The following MUC5AC variants were observed in gnomAD, a reference collection of about 807,000 sequenced individuals.
The protein encoded by MUC5AC is mucin-5AC.
MUC5AC carries 158 observed loss-of-function variants against 169.7 expected under a neutral mutation model. That is an observed-to-expected ratio of 0.93 (90% CI 0.82 to 1.06). MUC5AC has a LOEUF of 1.06. MUC5AC is among the 50% of genes least tolerant of loss of function. MUC5AC has a pLI of 0.00. For missense variants in MUC5AC, 4,359 were observed against 3,089.9 expected (o/e 1.41, Z -9.74); for synonymous variants, 1,975 against 1,237.0 (o/e 1.60, Z -12.52).
At chr11:1,160,284 G>A (rs1860099414) in intron 1 of MUC5AC, among the ~76,000 whole-genome samples, 1 of 152,128 alleles carries the variant, frequency 6.6e-6, no homozygotes, top group Admixed American at 6.5e-5. Flanking sequence ...AAGCGTGGCA[G>A]CGTGGGGGCC....
chr11:1,179,707 G>A (rs953977859), intron 26 of MUC5AC, among the ~76,000 whole-genome samples: 4 of 151,304 alleles, frequency 2.6e-5, no homozygotes, highest in African/African-American at 9.7e-5. Context: ...GGAGGAGGGC[G>A]TGGCTGACGG....
Position 1,200,427 on chromosome 11 carries a change from C to T in MUC5AC, c.16701-11C>T. The T allele has an allele frequency of 1.5e-6, 1 of 685,016 alleles. No individual in the cohort carries two copies. The highest frequency in any genetic ancestry group is 1.5e-5 in the South Asian group (1 of 65,746). 42.4% of individuals were successfully genotyped at this position (685,016 alleles called of 1,614,324 possible). Reference sequence around the variant, plus strand: ...GCGCAGCAGCTGGTGCTGAGCAGCCCCTGCCCACAGGTACTCGCTCGAGGG... The same window carrying T: ...GCGCAGCAGCTGGTGCTGAGCAGCCTCTGCCCACAGGTACTCGCTCGAGGG... On this transcript the variant is annotated splice_polypyrimidine_tract_variant and intron_variant, in intron 48 of 48. Transcript: ENST00000621226.
At position 1,185,304 on chromosome 11, in the gene MUC5AC, A is replaced by T; in HGVS notation, c.7159A>T (p.Ser2387Cys). 1 of 673,404 alleles carries T rather than the reference A, an allele frequency of 1.5e-6. No individual in the cohort carries two copies. Among genetic ancestry groups the T allele is most frequent in the Non-Finnish European group, 2.7e-6 (1 of 369,952 alleles). 41.7% of individuals were successfully genotyped at this position (673,404 alleles called of 1,614,324 possible). The change falls in exon 31 of 49, where the codon AGC becomes TGC. Residue 2387 changes from serine to cysteine, a missense_variant. Transcript: ENST00000621226. ...CAGCACAACCTCTGCCACTACCACC[A>T]GCAGAATCTCTGGTCCTGAAACTAC... ...TSSTTSATTT[S>C]RISGPETTPS...
chr11:1,167,998 C>A lies in MUC5AC; in HGVS notation c.1497+11C>A. On this transcript the variant is annotated intron_variant, in intron 12 of 48. Coordinates refer to ENST00000621226, the MANE Select transcript of MUC5AC (RefSeq NM_001304359.2). ...GATGGGGCGCAGACGGTGAGTGGAG[C>A]CTGGCAGGGCAAACCCCGGGAAGAG... 1.3e-6 allele frequency: 2 copies of A among 1,547,388 alleles called. No individual in the cohort carries two copies. Among genetic ancestry groups the A allele is most frequent in the South Asian group, 1.2e-5 (1 of 83,988 alleles).
Position 1,197,476 on chromosome 11 carries a change from C to A in MUC5AC, c.15870C>A (p.His5290Gln). ...AGTCCCCTTCCTTGCAGGTGGGCCA[C>A]ACCGTCGGCATGGACTGCCAGGAGT... The part of the protein sequence containing the change: ...GPHGEPVKVG[H>Q]TVGMDCQECT... The change falls in exon 41 of 49, where the codon CAC becomes CAA. Residue 5290 changes from histidine (H) to glutamine (Q), a missense_variant. Transcript: ENST00000621226. 1 of 712,456 alleles carries A rather than the reference C, an allele frequency of 1.4e-6. No homozygotes were observed. The highest frequency in any genetic ancestry group is 2.6e-6 in the Non-Finnish European group (1 of 392,008). 44.1% of individuals were successfully genotyped at this position (712,456 alleles called of 1,614,324 possible).
chr11:1,191,714 T>A lies in MUC5AC; in HGVS notation c.13569T>A (p.Ser4523=), dbSNP rs1172904987. The stretch of plus-strand genomic sequence containing the variant: ...CTGTTCCCACCACCAGCACAACCTC[T>A]GCTCCTACAACCAGCACAACCTCTG... ...PSPVPTTSTT[S]APTTSTTSAS... The change falls in exon 31 of 49, where the codon TCT becomes TCA. Residue 4523 remains serine, a synonymous_variant. Coordinates refer to ENST00000621226, the MANE Select transcript of MUC5AC (RefSeq NM_001304359.2). The A allele has an allele frequency of 1.4e-6, 1 of 711,568 alleles. No homozygotes were observed. Among genetic ancestry groups the A allele is most frequent in the African/African-American group, 1.8e-5 (1 of 56,910 alleles). The allele number at this position is 711,568 out of a possible 1,614,324, so 44.1% of individuals were successfully genotyped here.
Position 1,187,542 on chromosome 11 carries a change from A to G in MUC5AC, c.9397A>G (p.Thr3133Ala). The change falls in exon 31 of 49, where the codon ACC (threonine) becomes GCC (alanine). Residue 3133 changes from threonine (T) to alanine (A), a missense_variant. By Grantham distance (58) the Thr-to-Ala change is moderately conservative (BLOSUM62 0). Transcript: ENST00000621226. Reference protein sequence around the residue: ...TPSPIPTTSTTSPPTTSTTSA... With the variant: ...TPSPIPTTSTASPPTTSTTSA... ...CAGCCCTATTCCTACCACCAGCACA[A>G]CCTCTCCTCCTACAACCAGCACAAC... The G allele has an allele frequency of 1.3e-6, 1 of 750,712 alleles. No individual in the cohort carries two copies. The highest frequency in any genetic ancestry group is 2.4e-6 in the Non-Finnish European group (1 of 411,306). 46.5% of individuals were successfully genotyped at this position (750,712 alleles called of 1,614,324 possible).
At position 1,167,902 on chromosome 11, in the gene MUC5AC, T is replaced by C. The variant is rs1490982629; in HGVS notation, c.1412T>C (p.Val471Ala). 1 of 1,550,482 alleles carries C rather than the reference T, an allele frequency of 6.4e-7. No individual in the cohort carries two copies. The highest frequency in any genetic ancestry group is 1.2e-5 in the South Asian group (1 of 84,062). ...TKPCDSSAFT[V>A]LAELRRCGLT... ...CCCTGTGACAGCAGTGCCTTCACTG[T>C]ACTGGCTGAGCTGCGCAGGTGCGGG... The change falls in exon 12 of 49, where the codon GTA becomes GCA. Residue 471 changes from valine (V) to alanine (A), a missense_variant. Coordinates refer to ENST00000621226, the MANE Select transcript of MUC5AC (RefSeq NM_001304359.2).
intron 15 of MUC5AC, among the ~76,000 whole-genome samples, chr11:1,169,957 T>TCACCCAC (rs1860452301): frequency 3.3e-5 from 3 of 92,290 alleles, no homozygotes; most frequent in Admixed American, 1.1e-4. Context: ...CACTCACCCA[T>TCACCCAC]TCACCCACTC....
In MUC5AC at chr11:1,183,405, G is replaced by A. The variant is rs1404903211; in HGVS notation, c.5260G>A (p.Asp1754Asn). 5.1e-5 allele frequency: 33 copies of A among 644,242 alleles called. 1 individual carries two copies. Among genetic ancestry groups the A allele is most frequent in the South Asian group, 4.6e-4 (24 of 52,668 alleles). 39.9% of individuals were successfully genotyped at this position (644,242 alleles called of 1,614,324 possible). A position where few individuals can be genotyped will look rare whatever the true frequency, so the allele number is the denominator to read the frequency against. ...HPRCTWTKWF[D>N]VDFPSPGPHG... ...CCGGTGCACCTGGACAAAGTGGTTC[G>A]ACGTGGACTTCCCGTCCCCCGGACC... Residue 1754 changes from aspartate to asparagine, a missense_variant, in exon 31 of 49, where the codon GAC (aspartate) becomes AAC (asparagine). Asp to Asn is a conservative substitution (Grantham distance 23). Coordinates refer to ENST00000621226, the MANE Select transcript of MUC5AC (RefSeq NM_001304359.2).
At chr11:1,174,259 G>A (rs1463746860) in intron 16 of MUC5AC, among the ~76,000 whole-genome samples, 1 of 152,258 alleles carries the variant, frequency 6.6e-6, no homozygotes, top group African/African-American at 2.4e-5. Context: ...GGGTCACAGA[G>A]ATGAAGGATC....
Position 1,200,983 on chromosome 11 carries a change from T to A in MUC5AC, c.*281T>A. The A allele has an allele frequency of 3.0e-6, 1 of 333,244 alleles. No homozygotes were observed. The highest frequency in any genetic ancestry group is 4.8e-5 in the East Asian group (1 of 21,050). 20.6% of individuals were successfully genotyped at this position (333,244 alleles called of 1,614,324 possible). A position where few individuals can be genotyped will look rare whatever the true frequency, so the allele number is the denominator to read the frequency against. On this transcript the variant is annotated 3_prime_UTR_variant, in exon 49 of 49. Coordinates refer to ENST00000621226, the MANE Select transcript of MUC5AC (RefSeq NM_001304359.2). ...GCCTGCTGTTCTGGGGACGTGAGCA[T>A]CACCTGAGGGTCTCAGGAATGACGC...
chr11:1,179,274 A>G, intron 26 of MUC5AC, 26 bp downstream of exon 26: 1 of 527,378 alleles, frequency 1.9e-6, no homozygotes, highest in Non-Finnish European at 3.4e-6. Flanking sequence ...CACCTGGGGA[A>G]GAACAGGAAG....
Position 1,184,958 on chromosome 11 carries a change from C to G in MUC5AC, c.6813C>G (p.Ala2271=). Residue 2271 remains alanine, a synonymous_variant, in exon 31 of 49, where the codon GCC becomes GCG. Transcript: ENST00000621226. ...CTCCACAGACCAGTACAACCTATGCCCATACAACCAGCACAACCTCTGCTC... is the reference window on the plus strand; with the variant it reads ...CTCCACAGACCAGTACAACCTATGCGCATACAACCAGCACAACCTCTGCTC... ...TSTPQTSTTY[A]HTTSTTSAPT... is the part of the protein sequence containing the mutation. 1 of 670,294 alleles carries G rather than the reference C, an allele frequency of 1.5e-6. No homozygotes were observed. The highest frequency in any genetic ancestry group is 2.7e-6 in the Non-Finnish European group (1 of 369,178). The allele number at this position is 670,294 out of a possible 1,614,324, so 41.5% of individuals were successfully genotyped here. A position where few individuals can be genotyped will look rare whatever the true frequency, so the allele number is the denominator to read the frequency against.
chr11:1,159,352 T>G (rs965126576), intron 1 of MUC5AC, among the ~76,000 whole-genome samples: 1 of 150,344 alleles, frequency 6.7e-6, no homozygotes, highest in African/African-American at 2.5e-5. Flanking sequence ...ACCATGCTGG[T>G]GCTGTGCGGG....
At position 1,191,696 on chromosome 11, in the gene MUC5AC, C is replaced by T. The variant is rs77782040; in HGVS notation, c.13551C>T (p.Pro4517=). Residue 4517 remains proline (P), a synonymous_variant, in exon 31 of 49, where the codon CCC becomes CCT. Transcript: ENST00000621226. ...SGPGTTPSPV[P]TTSTTSAPTT... is the part of the protein sequence containing the mutation. ...CTGGAACTACTCCCAGCCCTGTTCCCACCACCAGCACAACCTCTGCTCCTA... is the reference window on the plus strand; with the variant it reads ...CTGGAACTACTCCCAGCCCTGTTCCTACCACCAGCACAACCTCTGCTCCTA... 1.4e-6 allele frequency: 1 copy of T among 702,712 alleles called. No homozygotes were observed. Among genetic ancestry groups the T allele is most frequent in the African/African-American group, 1.8e-5 (1 of 54,570 alleles). 43.5% of individuals were successfully genotyped at this position (702,712 alleles called of 1,614,324 possible).
chr11:1,162,848 G>T (rs1202384759), intron 5 of MUC5AC, 107 bp from the exon 6 acceptor site: 3 of 1,168,728 alleles, frequency 2.6e-6, no homozygotes, highest in East Asian at 4.7e-5. Context: ...GCTTTCGGGG[G>T]TGTCTCTTCC....
At chr11:1,200,304 G>T in intron 48 of MUC5AC, 134 bp from the exon 49 acceptor site, 1 of 601,248 alleles carries the variant, frequency 1.7e-6, no homozygotes, top group Non-Finnish European at 3.0e-6. Flanking sequence ...AAGGAGAGCT[G>T]GTTGTCAGAC....
In MUC5AC at chr11:1,192,031, C is replaced by T. The variant is rs370028072; in HGVS notation, c.13886C>T (p.Pro4629Leu). The change falls in exon 31 of 49, where the codon CCT (proline) becomes CTT (leucine). Residue 4629 changes from proline (P) to leucine (L), a missense_variant. By Grantham distance (98) the Pro-to-Leu change is moderately conservative. Coordinates refer to ENST00000621226, the MANE Select transcript of MUC5AC (RefSeq NM_001304359.2). ...HSQPVTSDCH[P>L]LCAWTKWFDV... ...CAACCAGTCACCAGTGACTGTCATC[C>T]TCTGTGCGCCTGGACAAAGTGGTTC... 1 of 765,140 alleles carries T rather than the reference C, an allele frequency of 1.3e-6. No homozygotes were observed. The highest frequency in any genetic ancestry group is 2.4e-6 in the Non-Finnish European group (1 of 417,908). The allele number at this position is 765,140 out of a possible 1,614,324, so 47.4% of individuals were successfully genotyped here.
Sources: allele counts gnomAD v4.1 joint callset (sites outside exome capture counted in the v4.1 genomes callset), GRCh38; gene constraint gnomAD v4.1.1; transcripts MANE v1.5; gene names NCBI Gene and HGNC (gene_info 2026-07-23, HGNC 2026-07-21).